Variants in SPAG16 observed in about 807,000 individuals in gnomAD.
SPAG16 encodes sperm-associated antigen 16 protein.
SPAG16 carries 86 observed loss-of-function variants against 80.4 expected under a neutral mutation model. That is an observed-to-expected ratio of 1.07 (90% confidence interval 0.90 to 1.28). The LOEUF is 1.28. Ranked by LOEUF, SPAG16 falls within the 50% of genes most tolerant of loss-of-function variation. The pLI is 0.00. For missense variants in SPAG16, 870 were observed against 765.3 expected (o/e 1.14, Z -1.61); for synonymous variants, 294 against 265.9 (o/e 1.11, Z -1.03).
chr2:214,247,925 T>C (rs779769302), intron 15 of SPAG16, among the ~76,000 whole-genome samples: 1 of 151,824 alleles, frequency 6.6e-6, no homozygotes, highest in Non-Finnish European at 1.5e-5. Flanking sequence ...CTACTCAGGA[T>C]GCTGAAGCAG....
At chr2:214,404,003 G>C (rs1330635970) in intron 15 of SPAG16, among the ~76,000 whole-genome samples, 1 of 152,146 alleles carries the variant, frequency 6.6e-6, no homozygotes, top group Non-Finnish European at 1.5e-5. Flanking sequence ...GGAAGTAATG[G>C]TTAGGGACCA....
At chr2:214,410,110 C>A in intron 15 of SPAG16, 30 bp from the exon 16 acceptor site, 1 of 1,519,488 alleles carries the variant, frequency 6.6e-7, no homozygotes, top group East Asian at 2.3e-5. Context: ...TTGATTCATT[C>A]TCTCTCTCTC....
intron 9 of SPAG16, among the ~76,000 whole-genome samples, chr2:213,404,197 G>C (rs1156984091): frequency 1.3e-5 from 2 of 152,034 alleles, no homozygotes; most frequent in African/African-American, 2.4e-5. Flanking sequence ...CACAGAATTG[G>C]AAAAAACTAC....
intron 9 of SPAG16, among the ~76,000 whole-genome samples, chr2:213,428,840 C>G (rs2070108647): frequency 6.6e-6 from 1 of 151,946 alleles, no homozygotes. Flanking sequence ...GCCTGTAATC[C>G]CAGCACTTTG....
At chr2:213,749,562 C>G (rs1157131538) in intron 10 of SPAG16, among the ~76,000 whole-genome samples, 1 of 152,086 alleles carries the variant, frequency 6.6e-6, no homozygotes, top group Non-Finnish European at 1.5e-5. Flanking sequence ...GAAGTAGTGT[C>G]TAGTATCAGT....
At chr2:213,861,065 A>G (rs1197291479) in intron 10 of SPAG16, among the ~76,000 whole-genome samples, 1 of 152,170 alleles carries the variant, frequency 6.6e-6, no homozygotes, top group African/African-American at 2.4e-5. Flanking sequence ...ACAAACCAAC[A>G]TTATGATGAA....
At chr2:213,838,406 C>T (rs534167399) in intron 10 of SPAG16, among the ~76,000 whole-genome samples, 3 of 152,162 alleles carry the variant, frequency 2.0e-5, no homozygotes, top group Non-Finnish European at 4.4e-5. Context: ...CTCCTGACCT[C>T]AGGTAATCCA....
At chr2:213,698,999 T>G (rs1427816988) in intron 10 of SPAG16, among the ~76,000 whole-genome samples, 3 of 152,114 alleles carry the variant, frequency 2.0e-5, no homozygotes, top group Admixed American at 6.6e-5. Context: ...ATCGCTAGCT[T>G]CTTCTTTTCC....
intron 5 of SPAG16, among the ~76,000 whole-genome samples, chr2:213,338,910 G>A (rs1454250088): frequency 6.6e-6 from 1 of 151,912 alleles, no homozygotes; most frequent in Non-Finnish European, 1.5e-5. Context: ...GAAAAATAGC[G>A]AACGTATGCT....
intron 10 of SPAG16, among the ~76,000 whole-genome samples, chr2:213,610,645 C>CA (rs2061413024): frequency 6.6e-6 from 1 of 152,080 alleles, no homozygotes; most frequent in Admixed American, 6.6e-5. Context: ...CAGTGCAAAG[C>CA]AAAAGCATGT....
intron 10 of SPAG16, among the ~76,000 whole-genome samples, chr2:213,677,175 A>G (rs907455824): frequency 3.3e-5 from 5 of 152,200 alleles, no homozygotes; most frequent in African/African-American, 1.2e-4. Context: ...GCCAAAATGT[A>G]GAGACCATCG....
intron 13 of SPAG16, among the ~76,000 whole-genome samples, chr2:214,087,926 A>C (rs533389212): frequency 6.6e-6 from 1 of 152,274 alleles, no homozygotes; most frequent in Admixed American, 6.5e-5. Flanking sequence ...TTCTGCACAA[A>C]TTAGAAAAAT....
At chr2:213,342,376 T>TATATATATTACATATATATGTATTA (rs1559430743) in intron 6 of SPAG16, among the ~76,000 whole-genome samples, 3 of 142,556 alleles carry the variant, frequency 2.1e-5, no homozygotes, top group Non-Finnish European at 4.6e-5. Flanking sequence ...TATATATGTA[T>TATATATATTACATATATATGTATTA]TATATATATA....
chr2:214,032,948 C>T (rs1283750632), intron 13 of SPAG16, among the ~76,000 whole-genome samples: 20 of 152,102 alleles, frequency 1.3e-4, no homozygotes. Context: ...ATCAGAAAGA[C>T]ACGACTTGTT....
intron 15 of SPAG16, among the ~76,000 whole-genome samples, chr2:214,236,374 C>T (rs1576564416): frequency 6.6e-6 from 1 of 152,248 alleles, no homozygotes; most frequent in Middle Eastern, 3.4e-3. Flanking sequence ...AATTTTGGGC[C>T]AGGCTTGGTG....
intron 11 of SPAG16, among the ~76,000 whole-genome samples, chr2:213,864,264 G>T (rs764566269): frequency 2.0e-5 from 3 of 152,030 alleles, no homozygotes; most frequent in Non-Finnish European, 4.4e-5. Flanking sequence ...AAAGTTGTTG[G>T]AATTTATGTT....
At chr2:213,718,747 T>C (rs2125386087) in intron 10 of SPAG16, among the ~76,000 whole-genome samples, 1 of 152,300 alleles carries the variant, frequency 6.6e-6, no homozygotes, top group Non-Finnish European at 1.5e-5. Flanking sequence ...GCTCGGGACC[T>C]GCAGCCCGCC....
At chr2:214,380,216 A>G (rs2126105793) in intron 15 of SPAG16, among the ~76,000 whole-genome samples, 1 of 152,350 alleles carries the variant, frequency 6.6e-6, no homozygotes, top group South Asian at 2.1e-4. Context: ...AAAACAGTGC[A>G]AATTTCACTA....
intron 10 of SPAG16, among the ~76,000 whole-genome samples, chr2:213,861,160 A>G (rs558868075): frequency 1.5e-4 from 23 of 152,342 alleles, no homozygotes; most frequent in African/African-American, 5.5e-4. Context: ...TTCACTAGAA[A>G]GAAGGCCATG....
Sources: gnomAD v4.1 joint callset for allele counts (sites outside exome capture counted in the v4.1 genomes callset) on GRCh38, gnomAD v4.1.1 for gene constraint, MANE v1.5 for transcripts, NCBI Gene and HGNC (gene_info 2026-07-23, HGNC 2026-07-21) for gene names.